IL1RAPL1: variants seen among roughly 807,000 people sequenced by gnomAD.
The protein encoded by IL1RAPL1 is interleukin-1 receptor accessory protein-like 1.
A neutral mutation model predicts 48.4 loss-of-function variants in IL1RAPL1; 3 were observed. The ratio of observed to expected loss-of-function variants is 0.06; its 90% CI spans 0.03 to 0.16. The LOEUF (loss-of-function observed/expected upper bound fraction) is 0.16, where lower values mean the gene tolerates loss of function less well. Ranked by LOEUF, IL1RAPL1 falls within the 10% of genes least tolerant of loss-of-function variation. IL1RAPL1 has a pLI of 1.00. For missense variants in IL1RAPL1, 349 were observed against 530.6 expected (o/e 0.66, Z 3.36); for synonymous variants, 185 against 187.7 (o/e 0.99, Z 0.12).
intron 3 of IL1RAPL1, among the ~76,000 whole-genome samples, chrX:29,375,634 G>A (rs1041580383): frequency 3.6e-5 from 4 of 111,951 alleles, no homozygotes; most frequent in African/African-American, 1.3e-4. Context: ...CACTTAAAAT[G>A]TGGGCCAAGA....
chrX:29,166,240 A>G lies in IL1RAPL1; in HGVS notation c.83-116698A>G, dbSNP rs140064017. Among the ~76,000 whole-genome samples the G allele has an allele frequency of 2.0e-4, 22 of 112,492 alleles. No homozygotes were observed. In the East Asian group the frequency reaches 5.6e-3, roughly 29 times the overall value. ...TCATAGTCTGGTGGTTCACAGGAAA[A>G]TGAAGAATAACACAAGGAAGTGCAT... On this transcript the variant is annotated intron_variant, in intron 2 of 10. Transcript: ENST00000378993.
chrX:29,788,313 A>G (rs979310844), intron 6 of IL1RAPL1, among the ~76,000 whole-genome samples: 1 of 111,894 alleles, frequency 8.9e-6, no homozygotes, highest in African/African-American at 3.2e-5. Context: ...TATTCTAGTA[A>G]GGAAACACAG....
At chrX:29,076,802 G>GTCTATCTATCTATCTATCTATCTATCTA (rs59044267) in intron 2 of IL1RAPL1, among the ~76,000 whole-genome samples, 208 of 97,267 alleles carry the variant, frequency 2.1e-3, no homozygotes, top group African/African-American at 5.3e-3. Context: ...CTGTCTGTCT[G>GTCTATCTATCTATCTATCTATCTATCTA]TCTATCTATC....
chrX:28,939,324 C>T (rs181071857), intron 2 of IL1RAPL1, among the ~76,000 whole-genome samples: 1 of 111,437 alleles, frequency 9.0e-6, no homozygotes, highest in Non-Finnish European at 1.9e-5. Context: ...AAATCTGGTG[C>T]ATATACACCA....
intron 1 of IL1RAPL1, among the ~76,000 whole-genome samples, chrX:28,694,628 A>C (rs771416047): frequency 8.9e-6 from 1 of 112,118 alleles, no homozygotes; most frequent in East Asian, 2.8e-4. Context: ...AATTCAAAAA[A>C]ACAAAATAAA....
chrX:29,634,376 A>G (rs1450465017), intron 5 of IL1RAPL1, among the ~76,000 whole-genome samples: 2 of 111,914 alleles, frequency 1.8e-5, no homozygotes, highest in Non-Finnish European at 3.8e-5. Context: ...TAAAAAAAAT[A>G]AAACAGAGAG....
chrX:28,768,110 A>G (rs960838624), intron 1 of IL1RAPL1, among the ~76,000 whole-genome samples: 2 of 111,727 alleles, frequency 1.8e-5, no homozygotes, highest in East Asian at 5.6e-4. Context: ...TATTAAACAC[A>G]TCGTGTGGAT....
At chrX:29,066,424 A>G (rs1927451821) in intron 2 of IL1RAPL1, among the ~76,000 whole-genome samples, 3 of 112,042 alleles carry the variant, frequency 2.7e-5, no homozygotes, top group Non-Finnish European at 3.8e-5. Flanking sequence ...TTTTTGTACT[A>G]CATTATTTGC....
chrX:29,883,209 C>T (rs964392636), intron 6 of IL1RAPL1, among the ~76,000 whole-genome samples: 3 of 110,519 alleles, frequency 2.7e-5, no homozygotes, highest in African/African-American at 9.9e-5. Context: ...TATAATGAAG[C>T]TGATTATATT....
chrX:29,896,544 T>C (rs976514874), intron 6 of IL1RAPL1, among the ~76,000 whole-genome samples: 1 of 112,734 alleles, frequency 8.9e-6, no homozygotes, highest in Admixed American at 9.4e-5. Context: ...CCATTATAGA[T>C]CTGGCTAAGC....
intron 5 of IL1RAPL1, among the ~76,000 whole-genome samples, chrX:29,582,396 A>G (rs763643491): frequency 1.0e-5 from 1 of 95,917 alleles, no homozygotes; most frequent in Admixed American, 1.2e-4. Flanking sequence ...TTTATTTTTT[A>G]TTTTTTTTTA....
At chrX:28,866,485 C>T (rs1922078103) in intron 2 of IL1RAPL1, among the ~76,000 whole-genome samples, 1 of 110,150 alleles carries the variant, frequency 9.1e-6, no homozygotes, top group Non-Finnish European at 1.9e-5. Context: ...AAAGAAGTTA[C>T]TCTGTAACCA....
intron 5 of IL1RAPL1, among the ~76,000 whole-genome samples, chrX:29,642,552 G>A (rs904845519): frequency 1.8e-5 from 2 of 112,233 alleles, no homozygotes; most frequent in Non-Finnish European, 3.8e-5. Flanking sequence ...TGTTTTTCCA[G>A]AGAATAAGCC....
intron 2 of IL1RAPL1, among the ~76,000 whole-genome samples, chrX:29,206,752 A>G (rs1930674090): frequency 8.9e-6 from 1 of 111,832 alleles, no homozygotes; most frequent in Non-Finnish European, 1.9e-5. Flanking sequence ...TTAATACCAA[A>G]TAGATCTAGT....
At chrX:29,558,908 G>T (rs1368742550) in intron 5 of IL1RAPL1, among the ~76,000 whole-genome samples, 3 of 111,434 alleles carry the variant, frequency 2.7e-5, no homozygotes, top group African/African-American at 9.8e-5. Context: ...TTTTATGTCA[G>T]TATCATACTG....
intron 2 of IL1RAPL1, among the ~76,000 whole-genome samples, chrX:29,259,415 G>C (rs1041911771): frequency 1.8e-5 from 2 of 110,420 alleles, no homozygotes; most frequent in African/African-American, 6.6e-5. Context: ...TTAAATAAAT[G>C]GGATATTTAT....
intron 6 of IL1RAPL1, among the ~76,000 whole-genome samples, chrX:29,688,278 C>G (rs1220844881): frequency 1.8e-5 from 2 of 111,198 alleles, no homozygotes; most frequent in Non-Finnish European, 3.8e-5. Flanking sequence ...GAATCTTTGC[C>G]TCTTCCAAGG....
At chrX:29,518,424 A>T (rs1339268809) in intron 5 of IL1RAPL1, among the ~76,000 whole-genome samples, 1 of 110,968 alleles carries the variant, frequency 9.0e-6, no homozygotes, top group Non-Finnish European at 1.9e-5. Context: ...AGTAGCAAAG[A>T]GTATATGGCA....
chrX:29,097,434 G>A (rs113408420), intron 2 of IL1RAPL1, among the ~76,000 whole-genome samples: 6,204 of 111,752 alleles, frequency 0.056, 162 homozygotes, highest in South Asian at 0.22. Flanking sequence ...AAGCATACAC[G>A]AGACAAGGTC....
Sources: allele counts gnomAD v4.1 joint callset (sites outside exome capture counted in the v4.1 genomes callset), GRCh38; gene constraint gnomAD v4.1.1; transcripts MANE v1.5; gene names NCBI Gene and HGNC (gene_info 2026-07-23, HGNC 2026-07-21).